Variants in RBPJ observed in about 807,000 individuals in gnomAD.
RBPJ encodes recombining binding protein suppressor of hairless.
Under a neutral mutation model 67.8 loss-of-function variants are expected in RBPJ, and 9 were observed. The observed-to-expected ratio is 0.13, with a 90% CI of 0.08 to 0.23. The LOEUF (loss-of-function observed/expected upper bound fraction) is 0.23, where lower values mean the gene tolerates loss of function less well. Among genes scored for constraint, RBPJ ranks in the 10% least tolerant of loss-of-function variants. The pLI is 1.00. For synonymous variants in RBPJ, 198 were observed against 203.3 expected, an observed-to-expected ratio of 0.97 and a Z score of 0.22; for missense variants, 305 against 595.6, an observed-to-expected ratio of 0.51 and a Z score of 5.08.
chr4:26,323,395 G>A (rs1021288282), intron 1 of RBPJ, among the ~76,000 whole-genome samples: 1 of 152,110 alleles, frequency 6.6e-6, no homozygotes, highest in Non-Finnish European at 1.5e-5. Context: ...CATTTGAGTT[G>A]CGTTTTTCTT....
At chr4:26,188,251 G>A (rs1182305970) in intron 1 of RBPJ, among the ~76,000 whole-genome samples, 1 of 152,008 alleles carries the variant, frequency 6.6e-6, no homozygotes, top group African/African-American at 2.4e-5. Flanking sequence ...AAGTAGATGA[G>A]AAGAGAAAGA....
At chr4:26,298,531 C>T (rs989342842) in intron 1 of RBPJ, among the ~76,000 whole-genome samples, 12 of 152,246 alleles carry the variant, frequency 7.9e-5, no homozygotes, top group Admixed American at 7.8e-4. Flanking sequence ...AGTTGTGTGC[C>T]TCCCAGAGAA....
At position 26,200,597 on chromosome 4, in the gene RBPJ, T is replaced by G. The variant is rs376877225; in HGVS notation, c.-167+36983T>G. Among the ~76,000 whole-genome samples, 253 of 151,754 alleles carry G rather than the reference T, an allele frequency of 1.7e-3. 1 individual carries two copies. The highest frequency in any genetic ancestry group is 5.8e-3 in the African/African-American group (241 of 41,306). ...GAGGTGGGAGGATCACTTGAGCCCA[T>G]GAGGTTATGGCTGCAGTCAGCCGTG... On this transcript the variant is annotated intron_variant, in intron 1 of 4. Coordinates refer to the RBPJ transcript ENST00000512351.
rs529513495 is a variant in RBPJ, at chr4:26,415,466, A to T, written c.156-9A>T. 7.4e-5 allele frequency: 115 copies of T among 1,559,786 alleles called. No individual in the cohort carries two copies. In the South Asian group the frequency reaches 1.3e-3, roughly 18 times the overall value. ...TTCTTGTTTTTTTTTTTCCCCTATT[A>T]TTCTTCAGGTTTTTTTGCCCACCTC... is the stretch of plus-strand genomic sequence containing the variant. On this transcript the variant is annotated splice_polypyrimidine_tract_variant and intron_variant, in intron 3 of 10. Coordinates refer to ENST00000355476, the MANE Select transcript of RBPJ (RefSeq NM_015874.6).
intron 2 of RBPJ, among the ~76,000 whole-genome samples, chr4:26,389,484 T>C (rs143404123): frequency 5.9e-4 from 89 of 149,796 alleles, no homozygotes; most frequent in African/African-American, 2.0e-3. Flanking sequence ...ATATACCGTT[T>C]TAGGCATATT....
intron 1 of RBPJ, among the ~76,000 whole-genome samples, chr4:26,331,068 A>C (rs1877207): frequency 0.46 from 69,261 of 151,948 alleles, 16,792 homozygotes; most frequent in Admixed American, 0.54. Context: ...TGACTGAGCT[A>C]GTTCCTGGTT....
chr4:26,147,380 A>G, the RBPJ span, among the ~76,000 whole-genome samples: 2 of 152,234 alleles, frequency 1.3e-5, no homozygotes, highest in African/African-American at 4.8e-5. Flanking sequence ...TACTTCGGTC[A>G]CTTTCAAAGT....
chr4:26,159,501 T>A (rs933534162), upstream of RBPJ, among the ~76,000 whole-genome samples: 3 of 152,200 alleles, frequency 2.0e-5, no homozygotes, highest in African/African-American at 7.2e-5. Context: ...AAAGAACAAC[T>A]ATGTGTTAGG....
At position 26,394,609 on chromosome 4, in the gene RBPJ, C is replaced by T. The variant is rs1731921725; in HGVS notation, c.59+8218C>T. Reference sequence around the variant, plus strand: ...AAATCTTAGTTGCAATGCAGTTATGCATTGGTCTTCAGGAGTGCTTAGTGT... The same window carrying T: ...AAATCTTAGTTGCAATGCAGTTATGTATTGGTCTTCAGGAGTGCTTAGTGT... On this transcript the variant is annotated intron_variant, in intron 2 of 10. Coordinates refer to ENST00000355476, the MANE Select transcript of RBPJ (RefSeq NM_015874.6). Among the ~76,000 whole-genome samples, 3 of 152,158 alleles carry T rather than the reference C, an allele frequency of 2.0e-5. No individual in the cohort carries two copies. The South Asian group carries it at 6.2e-4, about 31-fold the overall frequency.
chr4:26,242,963 A>G (rs901787359), intron 1 of RBPJ, among the ~76,000 whole-genome samples: 19 of 152,170 alleles, frequency 1.2e-4, no homozygotes, highest in African/African-American at 4.3e-4. Flanking sequence ...GCGGTGGCTC[A>G]TGCCTGTAAT....
the RBPJ span, among the ~76,000 whole-genome samples, chr4:26,122,348 A>G: frequency 2.0e-5 from 3 of 152,218 alleles, no homozygotes; most frequent in Non-Finnish European, 4.4e-5. Flanking sequence ...CAAGGAACCA[A>G]AAGCATCCTA....
chr4:26,392,643 A>G (rs1038165699), intron 2 of RBPJ, among the ~76,000 whole-genome samples: 4 of 152,234 alleles, frequency 2.6e-5, no homozygotes, highest in Non-Finnish European at 4.4e-5. Context: ...AAACTAGATC[A>G]GTGGTTTCCT....
intron 2 of RBPJ, among the ~76,000 whole-genome samples, chr4:26,402,045 T>C (rs759771480): frequency 1.1e-4 from 17 of 152,018 alleles, no homozygotes; most frequent in Non-Finnish European, 1.6e-4. Context: ...TGTGCCACCA[T>C]GCCTGGCTAA....
chr4:26,160,811 C>A (rs1716063858), upstream of RBPJ, among the ~76,000 whole-genome samples: 1 of 152,128 alleles, frequency 6.6e-6, no homozygotes, highest in Admixed American at 6.5e-5. Context: ...TCAAACCAGG[C>A]CTTTGTTCTC....
chr4:26,120,060 A>T, the RBPJ span, among the ~76,000 whole-genome samples: 1 of 152,232 alleles, frequency 6.6e-6, no homozygotes, highest in Non-Finnish European at 1.5e-5. Context: ...AGATGCTAAG[A>T]AGCCACATGA....
At chr4:26,148,082 G>A in the RBPJ span, among the ~76,000 whole-genome samples, 2 of 152,266 alleles carry the variant, frequency 1.3e-5, no homozygotes, top group South Asian at 4.1e-4. Context: ...TAGAGGACAT[G>A]GAAAGAAGAA....
At chr4:26,289,183 G>A (rs569647931) in intron 1 of RBPJ, among the ~76,000 whole-genome samples, 1 of 150,126 alleles carries the variant, frequency 6.7e-6, no homozygotes, top group East Asian at 2.0e-4. Flanking sequence ...GATCACTAGA[G>A]GTCAGGAGTT....
intron 1 of RBPJ, among the ~76,000 whole-genome samples, chr4:26,271,920 C>T (rs1161891976): frequency 2.0e-5 from 3 of 152,176 alleles, no homozygotes; most frequent in African/African-American, 7.2e-5. Flanking sequence ...TGAACATGTG[C>T]ACAGTGGGCA....
At chr4:26,153,657 T>A in the RBPJ span, among the ~76,000 whole-genome samples, 1 of 152,180 alleles carries the variant, frequency 6.6e-6, no homozygotes, top group African/African-American at 2.4e-5. Context: ...TGACATGATT[T>A]CTTGTTCTGT....
Sources: allele counts gnomAD v4.1 joint callset (sites outside exome capture counted in the v4.1 genomes callset), GRCh38; gene constraint gnomAD v4.1.1; transcripts MANE v1.5; gene names NCBI Gene and HGNC (gene_info 2026-07-23, HGNC 2026-07-21).